Variants in LRRFIP1 observed in about 807,000 individuals in gnomAD.
The protein encoded by LRRFIP1 is leucine-rich repeat flightless-interacting protein 1.
Under a neutral mutation model 104.4 loss-of-function variants are expected in LRRFIP1, and 62 were observed. The ratio of observed to expected loss-of-function variants is 0.59; its 90% CI spans 0.48 to 0.73. LRRFIP1 has a LOEUF of 0.73. Among genes scored for constraint, LRRFIP1 ranks in the 30% least tolerant of loss-of-function variants. The pLI, the probability that LRRFIP1 is intolerant of heterozygous loss-of-function variation, is 0.00. For missense variants in LRRFIP1, 796 were observed against 824.5 expected (o/e 0.97, Z 0.42); for synonymous variants, 300 against 299.0 (o/e 1.00, Z -0.03).
chr2:237,743,274 G>A (rs2057365764), intron 11 of LRRFIP1, among the ~76,000 whole-genome samples: 1 of 151,470 alleles, frequency 6.6e-6, no homozygotes, highest in Non-Finnish European at 1.5e-5. Context: ...ACAGGTGAGT[G>A]TGTCACACCC....
chr2:237,739,343 T>C (rs1368279883), intron 11 of LRRFIP1, 34 bp downstream of exon 11: 5 of 1,526,038 alleles, frequency 3.3e-6, no homozygotes, highest in Non-Finnish European at 4.4e-6. Flanking sequence ...TCCTACTCAG[T>C]GTCACCCTCC....
Position 237,660,653 on chromosome 2 carries a change from G to A in LRRFIP1, c.96+32913G>A, listed in dbSNP as rs183627096. 1.6e-3 allele frequency among the ~76,000 whole-genome samples: 239 copies of A among 152,322 alleles called. 1 individual carries two copies. Among genetic ancestry groups the A allele is most frequent in the African/African-American group, 4.0e-3 (167 of 41,568 alleles). The stretch of plus-strand genomic sequence containing the variant: ...ATTTGCTGCAGTCTTGCTTGTAGCA[G>A]AAAAATGTGGAAACAAACAAATTTG... On this transcript the variant is annotated intron_variant, in intron 1 of 23. Transcript: ENST00000308482.
intron 8 of LRRFIP1, among the ~76,000 whole-genome samples, chr2:237,730,580 G>T (rs1224618620): frequency 6.6e-6 from 1 of 152,132 alleles, no homozygotes; most frequent in Admixed American, 6.5e-5. Flanking sequence ...GAATGGGAGG[G>T]AGACACTGGT....
intron 16 of LRRFIP1, among the ~76,000 whole-genome samples, chr2:237,756,818 A>T (rs2059317701): frequency 6.6e-6 from 1 of 152,188 alleles, no homozygotes; most frequent in Non-Finnish European, 1.5e-5. Context: ...GATGCCTTAC[A>T]TGGTTAAAGG....
At chr2:237,685,035 A>G (rs905275468) in intron 1 of LRRFIP1, among the ~76,000 whole-genome samples, 3 of 151,968 alleles carry the variant, frequency 2.0e-5, no homozygotes, top group African/African-American at 7.3e-5. Context: ...CCAAGGTTGT[A>G]TGTAGTGAGC....
chr2:237,778,601 G>C (rs1390302794), intron 23 of LRRFIP1, among the ~76,000 whole-genome samples: 3 of 152,224 alleles, frequency 2.0e-5, no homozygotes, highest in African/African-American at 7.2e-5. Flanking sequence ...TTTACCTCAT[G>C]CCTCACTTAC....
chr2:237,660,567 G>C (rs146917755), intron 1 of LRRFIP1, among the ~76,000 whole-genome samples: 1 of 152,314 alleles, frequency 6.6e-6, no homozygotes, highest in African/African-American at 2.4e-5. Flanking sequence ...GTTTAACCCG[G>C]AAGTTCTACC....
At chr2:237,642,228 G>A (rs188825232) in intron 1 of LRRFIP1, among the ~76,000 whole-genome samples, 237 of 152,368 alleles carry the variant, frequency 1.6e-3, no homozygotes, top group Non-Finnish European at 2.6e-3. Context: ...GACCGCGTGT[G>A]TGCAGTTGCT....
At chr2:237,749,749 G>T (rs1243945147) in intron 13 of LRRFIP1, among the ~76,000 whole-genome samples, 1 of 152,144 alleles carries the variant, frequency 6.6e-6, no homozygotes, top group African/African-American at 2.4e-5. Context: ...CCTAGAACTT[G>T]CCCTTTCCTT....
At chr2:237,657,044 A>G (rs1262171521) in intron 1 of LRRFIP1, among the ~76,000 whole-genome samples, 1 of 152,218 alleles carries the variant, frequency 6.6e-6, no homozygotes, top group Non-Finnish European at 1.5e-5. Flanking sequence ...AAGAGCCCCC[A>G]AACCCTTGTT....
intron 19 of LRRFIP1, among the ~76,000 whole-genome samples, chr2:237,762,241 G>A (rs888132305): frequency 6.6e-6 from 1 of 152,156 alleles, no homozygotes; most frequent in Non-Finnish European, 1.5e-5. Flanking sequence ...AGTGAGAGTG[G>A]GGAATTGAAC....
chr2:237,770,522 A>C (rs1479463741), intron 20 of LRRFIP1: 2 of 155,356 alleles, frequency 1.3e-5, no homozygotes, highest in East Asian at 3.8e-4. Flanking sequence ...GGCCAGGTGC[A>C]GTGGCTCACA....
At chr2:237,763,570 A>G (rs758601289) in intron 19 of LRRFIP1, 3 of 1,613,092 alleles carry the variant, frequency 1.9e-6, no homozygotes, top group South Asian at 1.1e-5. Context: ...GAAAGTCAGC[A>G]GTGGAAGCCC....
At chr2:237,758,238 G>A (rs1006444085) in intron 17 of LRRFIP1, among the ~76,000 whole-genome samples, 3 of 152,080 alleles carry the variant, frequency 2.0e-5, no homozygotes, top group Non-Finnish European at 4.4e-5. Context: ...GTGTGTGTGT[G>A]TGTGTGTCTG....
chr2:237,713,098 AG>A (rs2094176981), intron 2 of LRRFIP1, among the ~76,000 whole-genome samples: 1 of 151,822 alleles, frequency 6.6e-6, no homozygotes, highest in African/African-American at 2.4e-5. Flanking sequence ...CGAGAAGGGC[AG>A]GAAGCTGACC....
chr2:237,779,661 GC>G lies in LRRFIP1; in HGVS notation c.*130del. 1.3e-6 allele frequency: 1 copy of G among 779,802 alleles called. No individual in the cohort carries two copies. The highest frequency in any genetic ancestry group is 2.0e-6 in the Non-Finnish European group (1 of 495,826). The allele number at this position is 779,802 out of a possible 1,614,324, so 48.3% of individuals were successfully genotyped here. ...AGACGAAGACCGTGGCGAGCTTGGCGCTTAGGGGCTCCCGTGCCATGGCTCA... is the reference window on the plus strand; with the variant it reads ...AGACGAAGACCGTGGCGAGCTTGGCGTTAGGGGCTCCCGTGCCATGGCTCA... On this transcript the variant is annotated 3_prime_UTR_variant, in exon 24 of 24. Coordinates refer to ENST00000308482, the MANE Select transcript of LRRFIP1 (RefSeq NM_001137550.2).
At chr2:237,710,012 C>G (rs1036858078) in intron 2 of LRRFIP1, among the ~76,000 whole-genome samples, 2 of 151,896 alleles carry the variant, frequency 1.3e-5, no homozygotes, top group South Asian at 2.1e-4. Flanking sequence ...ACCACCATGC[C>G]TGGCTAATTT....
chr2:237,778,543 A>G (rs2061282660), intron 23 of LRRFIP1, among the ~76,000 whole-genome samples: 1 of 152,052 alleles, frequency 6.6e-6, no homozygotes, highest in Non-Finnish European at 1.5e-5. Context: ...GGCTGTGGGG[A>G]CCACCTTCGC....
chr2:237,675,624 C>T (rs919331342), intron 1 of LRRFIP1, among the ~76,000 whole-genome samples: 13 of 152,030 alleles, frequency 8.6e-5, no homozygotes, highest in Non-Finnish European at 1.8e-4. Context: ...CCTTTCTTTT[C>T]GAATGAAGTT....
Sources: allele counts gnomAD v4.1 joint callset (sites outside exome capture counted in the v4.1 genomes callset), GRCh38; gene constraint gnomAD v4.1.1; transcripts MANE v1.5; gene names NCBI Gene and HGNC (gene_info 2026-07-23, HGNC 2026-07-21).